The following TXN variants were observed in gnomAD, a reference collection of about 807,000 sequenced individuals.
TXN encodes the protein thioredoxin, also known as ADF.
Under a neutral mutation model 16.5 loss-of-function variants are expected in TXN, and 10 were observed. That is an observed-to-expected ratio of 0.61 (90% CI 0.37 to 1.03). TXN has a LOEUF of 1.03. Ranked by LOEUF, TXN falls within the 50% of genes least tolerant of loss-of-function variation. TXN has a pLI of 0.01. For synonymous variants in TXN, 35 were observed against 39.4 expected (o/e 0.89, Z 0.42); for missense variants, 71 against 122.5 (o/e 0.58, Z 1.98).
rs548838639 is a variant in TXN, at chr9:110,243,838, C to T, written c.*319G>A. 6.2e-6 allele frequency: 1 copy of T among 162,520 alleles called. No individual in the cohort carries two copies. Among genetic ancestry groups the T allele is most frequent in the African/African-American group, 2.4e-5 (1 of 41,872 alleles). The allele number at this position is 162,520 out of a possible 1,614,324, so 10.1% of individuals were successfully genotyped here. On this transcript the variant is annotated 3_prime_UTR_variant, in exon 5 of 5. Transcript: ENST00000374517. Reference sequence around the variant, plus strand: ...CAAATAACAACATACTACTTTATTACCTGCATTGCCCCCAACAAGAGATTT... The same window carrying T: ...CAAATAACAACATACTACTTTATTATCTGCATTGCCCCCAACAAGAGATTT...
In TXN at chr9:110,256,301, G is replaced by A; in HGVS notation, c.24+111C>T. On this transcript the variant is annotated intron_variant, in intron 1 of 4. Transcript: ENST00000374517. The surrounding 1 kb of genome is among the most constrained non-coding windows in gnomAD (Gnocchi z 4.2). ...TCCCTTTCCCCTGGCGATGCGGAGG[G>A]GCGGCCTCCGCACCTCCCGCCACCG... 3 of 1,172,564 alleles carry A rather than the reference G, an allele frequency of 2.6e-6. No individual in the cohort carries two copies. Among genetic ancestry groups the A allele is most frequent in the Non-Finnish European group, 2.4e-6 (2 of 817,708 alleles). The allele number at this position is 1,172,564 out of a possible 1,614,324, so 72.6% of individuals were successfully genotyped here. A position where few individuals can be genotyped will look rare whatever the true frequency, so the allele number is the denominator to read the frequency against.
Position 110,256,396 on chromosome 9 carries a change from C to G in TXN, c.24+16G>C, listed in dbSNP as rs1837810979. 5 of 1,604,584 alleles carry G rather than the reference C, an allele frequency of 3.1e-6. No individual in the cohort carries two copies. The highest frequency in any genetic ancestry group is 2.3e-5 in the East Asian group (1 of 44,348). On this transcript the variant is annotated intron_variant, in intron 1 of 4. Transcript: ENST00000374517. This position sits in a 1 kb window ranked among gnomAD's most constrained non-coding sequence, Gnocchi z 4.2. ...CGCGCGGCGCCGGCACCCTGGCCTT[C>G]CCCGGTAGCGCGTACCTTGCTCTCG...
intron 3 of TXN, among the ~76,000 whole-genome samples, chr9:110,250,548 T>C (rs1019051387): frequency 6.6e-6 from 1 of 152,132 alleles, no homozygotes; most frequent in African/African-American, 2.4e-5. Context: ...CATCTCAGAG[T>C]GTAAAGTAGA....
chr9:110,254,148 C>T (rs933875858), intron 1 of TXN, among the ~76,000 whole-genome samples: 7 of 152,068 alleles, frequency 4.6e-5, no homozygotes, highest in African/African-American at 7.2e-5. Flanking sequence ...AACAGAGTAC[C>T]TCAGAAACAG....
At position 110,251,421 on chromosome 9, in the gene TXN, A is replaced by T; in HGVS notation, c.66T>A (p.Leu22=). The part of the protein sequence containing the change: ...QEALDAAGDK[L]VVVDFSATWC... ...ACGTGGCTGAGAAGTCAACTACTAC[A>T]AGTTTATCACCTGCAGCGTCCAAGG... The change falls in exon 2 of 5, where the codon CTT becomes CTA. Residue 22 remains leucine, a synonymous_variant. Coordinates refer to ENST00000374517, the MANE Select transcript of TXN (RefSeq NM_003329.4). 6.2e-7 allele frequency: 1 copy of T among 1,612,240 alleles called. No homozygotes were observed. Among genetic ancestry groups the T allele is most frequent in the South Asian group, 1.1e-5 (1 of 91,004 alleles).
At chr9:110,250,265 G>GTATA (rs1564080290) in intron 3 of TXN, among the ~76,000 whole-genome samples, 1 of 152,144 alleles carries the variant, frequency 6.6e-6, no homozygotes, top group African/African-American at 2.4e-5. Context: ...ACAGTGCCTG[G>GTATA]TATATACCTA....
chr9:110,247,315 T>C, intron 3 of TXN, among the ~76,000 whole-genome samples: 1 of 139,494 alleles, frequency 7.2e-6, no homozygotes, highest in South Asian at 2.4e-4. Context: ...AGAGTGAGAC[T>C]CTGTCTCAAA....
In TXN at chr9:110,249,041, T is replaced by C. The variant is rs1015790394; in HGVS notation, c.189+1779A>G. Among the ~76,000 whole-genome samples, 17 of 140,858 alleles carry C rather than the reference T, an allele frequency of 1.2e-4. No individual in the cohort carries two copies. The Admixed American group carries it at 1.3e-3, about 11-fold the overall frequency. The allele number at this position is 140,858 out of a possible 152,430, so 92.4% of individuals were successfully genotyped here. A position where few individuals can be genotyped will look rare whatever the true frequency, so the allele number is the denominator to read the frequency against. Reference sequence around the variant, plus strand: ...TACCCAGGAGGCTGAGACAGAGGATTGCTTAAACCCGGGAGGCAGAGGTTG... The same window carrying C: ...TACCCAGGAGGCTGAGACAGAGGATCGCTTAAACCCGGGAGGCAGAGGTTG... On this transcript the variant is annotated intron_variant, in intron 3 of 4. Coordinates refer to ENST00000374517, the MANE Select transcript of TXN (RefSeq NM_003329.4).
At position 110,250,877 on chromosome 9, in the gene TXN, G is replaced by C. The variant is rs565682791; in HGVS notation, c.132C>G (p.Ser44=). The C allele has an allele frequency of 3.7e-6, 6 of 1,608,342 alleles. No homozygotes were observed. In the East Asian group the frequency reaches 6.7e-5, roughly 18 times the overall value. Residue 44 remains serine (S), a splice_region_variant and synonymous_variant, in exon 3 of 5, where the codon TCC becomes TCG. Transcript: ENST00000374517. ...PCKMIKPFFH[S]LSEKYSNVIF... The stretch of plus-strand genomic sequence containing the variant: ...TCACGTTGGAATACTTTTCAGAGAG[G>C]GACTGGAAAATTTAAAATGAAAAAT...
At chr9:110,253,028 A>AG (rs1255207744) in intron 1 of TXN, among the ~76,000 whole-genome samples, 5 of 152,168 alleles carry the variant, frequency 3.3e-5, no homozygotes, top group African/African-American at 1.2e-4. Flanking sequence ...GTTTTCTTCA[A>AG]GGAAACAATG....
chr9:110,251,582 T>A, intron 1 of TXN, 120 bp from the exon 2 acceptor site: 1 of 58,130 alleles, frequency 1.7e-5, no homozygotes, highest in Non-Finnish European at 3.4e-5. Flanking sequence ...ACCTACTTTT[T>A]AGCCAAAAAA....
At chr9:110,255,751 A>G (rs1837801217) in intron 1 of TXN, among the ~76,000 whole-genome samples, 1 of 152,152 alleles carries the variant, frequency 6.6e-6, no homozygotes, top group Non-Finnish European at 1.5e-5. Context: ...GGGGGTCTCC[A>G]GCCGCAATCC....
chr9:110,244,229 GA>G lies in TXN; in HGVS notation c.256-11del. On this transcript the variant is annotated splice_polypyrimidine_tract_variant and intron_variant, in intron 4 of 4. Transcript: ENST00000374517. Reference sequence around the variant, plus strand: ...CAGAAAATTCACCCACCTGTTAAGAGAATATTGAATTGACATTAGACGTAGC... The same window carrying G: ...CAGAAAATTCACCCACCTGTTAAGAGATATTGAATTGACATTAGACGTAGC... The G allele has an allele frequency of 6.5e-7, 1 of 1,539,742 alleles. No individual in the cohort carries two copies. The highest frequency in any genetic ancestry group is 1.2e-5 in the South Asian group (1 of 80,006).
intron 1 of TXN, among the ~76,000 whole-genome samples, chr9:110,255,000 G>A (rs1233330148): frequency 6.6e-6 from 1 of 152,210 alleles, no homozygotes; most frequent in African/African-American, 2.4e-5. Context: ...CATGAGGGCT[G>A]CTAAAATGAG....
chr9:110,254,626 C>T (rs1390762321), intron 1 of TXN, among the ~76,000 whole-genome samples: 1 of 152,210 alleles, frequency 6.6e-6, no homozygotes. Context: ...GGCCTTTGGG[C>T]CCCAGGCTGT....
intron 3 of TXN, 121 bp from the exon 4 acceptor site, chr9:110,244,964 G>T: frequency 1.5e-6 from 1 of 645,172 alleles, no homozygotes; most frequent in Non-Finnish European, 2.8e-6. Flanking sequence ...TCCGCATGAG[G>T]ACATTTTTCA....
intron 1 of TXN, among the ~76,000 whole-genome samples, chr9:110,252,690 G>A (rs1837756497): frequency 6.6e-6 from 1 of 151,904 alleles, no homozygotes; most frequent in Admixed American, 6.6e-5. Context: ...TGTTGCCCAG[G>A]CTGGAGTGCA....
At chr9:110,245,896 C>T (rs1445214720) in intron 3 of TXN, among the ~76,000 whole-genome samples, 2 of 151,522 alleles carry the variant, frequency 1.3e-5, no homozygotes, top group African/African-American at 2.4e-5. Flanking sequence ...GAAACCCCAT[C>T]TCTACTAAAA....
At chr9:110,246,111 A>G (rs1196198528) in intron 3 of TXN, among the ~76,000 whole-genome samples, 1 of 152,164 alleles carries the variant, frequency 6.6e-6, no homozygotes, top group Non-Finnish European at 1.5e-5. Context: ...TTGCTGCAGT[A>G]TCAGAATTAC....
Sources: allele counts gnomAD v4.1 joint callset (sites outside exome capture counted in the v4.1 genomes callset), GRCh38; gene constraint gnomAD v4.1.1; non-coding constraint Gnocchi (gnomAD v3.1); transcripts MANE v1.5; gene names NCBI Gene and HGNC (gene_info 2026-07-23, HGNC 2026-07-21).